ARHGAP31: variants seen among roughly 807,000 people sequenced by gnomAD.
ARHGAP31 encodes the protein Rho GTPase activating protein 31.
In ARHGAP31, 34 loss-of-function variants were observed where a neutral mutation model predicts 113.9. The observed-to-expected ratio is 0.30, with a 90% CI of 0.23 to 0.40. ARHGAP31 has a LOEUF of 0.40. Among genes scored for constraint, ARHGAP31 ranks in the 10% least tolerant of loss-of-function variants. The pLI, the probability that ARHGAP31 is intolerant of heterozygous loss-of-function variation, is 1.00. For missense variants in ARHGAP31, 1,548 were observed against 1,767.1 expected, an observed-to-expected ratio of 0.88 and a Z score of 2.22; for synonymous variants, 650 against 684.8, an observed-to-expected ratio of 0.95 and a Z score of 0.79.
chr3:119,320,517 T>C (rs1343427388), intron 1 of ARHGAP31, among the ~76,000 whole-genome samples: 5 of 152,204 alleles, frequency 3.3e-5, no homozygotes, highest in Non-Finnish European at 5.9e-5. Flanking sequence ...ATTATCCTGA[T>C]AAATACAGTA....
chr3:119,337,332 T>A (rs866406317), intron 1 of ARHGAP31, among the ~76,000 whole-genome samples: 4 of 152,040 alleles, frequency 2.6e-5, no homozygotes, highest in African/African-American at 9.7e-5. Flanking sequence ...AGTTGGCGCG[T>A]CCAGAGTTGT....
intron 1 of ARHGAP31, among the ~76,000 whole-genome samples, chr3:119,340,700 G>C (rs1372051169): frequency 6.6e-6 from 1 of 152,182 alleles, no homozygotes; most frequent in African/African-American, 2.4e-5. Context: ...AGTGCGCAGT[G>C]TGGCCGTGGG....
Position 119,368,400 on chromosome 3 carries a change from G to T in ARHGAP31, c.232G>T (p.Asp78Tyr), listed in dbSNP as rs1247569081. ...RQEFGSDQCP[D>Y]LTREVYLQDI... ...AGAGTTTGGCTCAGATCAATGTCCA[G>T]ATCTGACAAGGGAAGTGTACCTCCA... The change falls in exon 3 of 12, where the codon GAT (aspartate) becomes TAT (tyrosine). Residue 78 changes from aspartate to tyrosine, a missense_variant. Physicochemically the swap from Asp to Tyr is radical, Grantham distance 160. Coordinates refer to ENST00000264245, the MANE Select transcript of ARHGAP31 (RefSeq NM_020754.4). The T allele has an allele frequency of 1.2e-6, 2 of 1,614,078 alleles. No homozygotes were observed. Among genetic ancestry groups the T allele is most frequent in the Non-Finnish European group, 1.7e-6 (2 of 1,180,040 alleles).
chr3:119,337,415 C>T lies in ARHGAP31; in HGVS notation c.101-27901C>T, dbSNP rs537005947. On this transcript the variant is annotated intron_variant, in intron 1 of 11. Coordinates refer to ENST00000264245, the MANE Select transcript of ARHGAP31 (RefSeq NM_020754.4). ...CTGCAGACCTTTGTGGTGAGTGTTA[C>T]AGCTCATAAAGGCAGCACAGACCCA... 4.6e-5 allele frequency among the ~76,000 whole-genome samples: 7 copies of T among 152,040 alleles called. No homozygotes were observed. The East Asian group carries it at 5.8e-4, about 13-fold the overall frequency.
chr3:119,326,348 T>G (rs2079843895), intron 1 of ARHGAP31, among the ~76,000 whole-genome samples: 1 of 152,158 alleles, frequency 6.6e-6, no homozygotes, highest in South Asian at 2.1e-4. Context: ...TACAGTCAGC[T>G]GAGAATGTGT....
intron 1 of ARHGAP31, among the ~76,000 whole-genome samples, chr3:119,328,711 G>T (rs1425572659): frequency 6.6e-6 from 1 of 151,970 alleles, no homozygotes. Context: ...CGCGATCTTG[G>T]CTCACTGCAA....
At chr3:119,337,345 T>C (rs2107610692) in intron 1 of ARHGAP31, among the ~76,000 whole-genome samples, 1 of 152,092 alleles carries the variant, frequency 6.6e-6, no homozygotes, top group East Asian at 1.9e-4. Context: ...AGAGTTGTTC[T>C]TTCCTCCCGG....
Position 119,417,438 on chromosome 3 carries a change from T to G in ARHGAP31, c.*1174T>G, listed in dbSNP as rs765541841. ...GTGGGTCCCTTCCTTTCTCCTTTCC[T>G]CTCTACTGCTCAAGAACAGATTTGA... On this transcript the variant is annotated 3_prime_UTR_variant, in exon 12 of 12. Transcript: ENST00000264245. 6.6e-6 allele frequency: 1 copy of G among 151,996 alleles called. No individual in the cohort carries two copies. Among genetic ancestry groups the G allele is most frequent in the Non-Finnish European group, 1.5e-5 (1 of 68,022 alleles). 9.4% of individuals were successfully genotyped at this position (151,996 alleles called of 1,614,324 possible).
intron 4 of ARHGAP31, among the ~76,000 whole-genome samples, chr3:119,381,934 T>G (rs369843134): frequency 7.2e-6 from 1 of 138,928 alleles, no homozygotes; most frequent in Non-Finnish European, 1.5e-5. Flanking sequence ...TGCAGTGAGC[T>G]GAGATCGCGC....
At position 119,397,045 on chromosome 3, in the gene ARHGAP31, G is replaced by T. The variant is rs533480942; in HGVS notation, c.1007-2154G>T. Among the ~76,000 whole-genome samples, 10 of 152,366 alleles carry T rather than the reference G, an allele frequency of 6.6e-5. No homozygotes were observed. In the East Asian group the frequency reaches 1.9e-3, roughly 29 times the overall value. On this transcript the variant is annotated intron_variant, in intron 8 of 11. Transcript: ENST00000264245. ...TCACCTCTGAGTAACGCAGCTAAGA[G>T]AGGAGGACTCAAGGACACAAAGGCT...
chr3:119,387,124 G>A (rs1418210675), intron 6 of ARHGAP31, among the ~76,000 whole-genome samples: 3 of 152,164 alleles, frequency 2.0e-5, no homozygotes, highest in Non-Finnish European at 2.9e-5. Context: ...CCCCTTTCCC[G>A]GTCTGCTAAG....
Position 119,415,678 on chromosome 3 carries a change from A to C in ARHGAP31, c.3749A>C (p.Asp1250Ala), listed in dbSNP as rs770337602. The change falls in exon 12 of 12, where the codon GAT becomes GCT. Residue 1250 changes from aspartate to alanine, a missense_variant. Coordinates refer to ENST00000264245, the MANE Select transcript of ARHGAP31 (RefSeq NM_020754.4). ...ACCACTCAGAAACCTGCCAAAGATG[A>C]TTCTCCCTCCTCCCTGGAAAGCTCA... is the stretch of plus-strand genomic sequence containing the variant. ...SGTTQKPAKD[D>A]SPSSLESSKE... The C allele has an allele frequency of 1.4e-5, 22 of 1,614,036 alleles. No individual in the cohort carries two copies. In the East Asian group the frequency reaches 4.9e-4, roughly 36 times the overall value.
At position 119,414,146 on chromosome 3, in the gene ARHGAP31, G is replaced by C. The variant is rs1239982693; in HGVS notation, c.2217G>C (p.Pro739=). Reference sequence around the variant, plus strand: ...CCACAGCAGCCAGCAGAGAGAAGCCGGAACCTGAGCAGGGCCTGCACCCAG... The same window carrying C: ...CCACAGCAGCCAGCAGAGAGAAGCCCGAACCTGAGCAGGGCCTGCACCCAG... ...GASTAASREK[P]EPEQGLHPDL... The change falls in exon 12 of 12, where the codon CCG becomes CCC. Residue 739 remains proline, a synonymous_variant. Coordinates refer to ENST00000264245, the MANE Select transcript of ARHGAP31 (RefSeq NM_020754.4). 2 of 1,614,128 alleles carry C rather than the reference G, an allele frequency of 1.2e-6. No individual in the cohort carries two copies. Among genetic ancestry groups the C allele is most frequent in the Non-Finnish European group, 1.7e-6 (2 of 1,180,010 alleles).
In ARHGAP31 at chr3:119,389,982, G is replaced by A. The variant is rs114816344; in HGVS notation, c.683-803G>A. On this transcript the variant is annotated intron_variant, in intron 6 of 11. Transcript: ENST00000264245. ...GGCCTTTGCCTACTAGACACCAGTAGCACTGCCACACACATTGATGACCAT... is the reference window on the plus strand; with the variant it reads ...GGCCTTTGCCTACTAGACACCAGTAACACTGCCACACACATTGATGACCAT... Among the ~76,000 whole-genome samples the A allele has an allele frequency of 8.9e-3, 1,357 of 152,306 alleles. 16 individuals are homozygous for A. The highest frequency in any genetic ancestry group is 0.045 in the South Asian group (215 of 4,824).
At position 119,414,576 on chromosome 3, in the gene ARHGAP31, C is replaced by G; in HGVS notation, c.2647C>G (p.Gln883Glu). The change falls in exon 12 of 12, where the codon CAG becomes GAG. Residue 883 changes from glutamine to glutamate, a missense_variant. Coordinates refer to ENST00000264245, the MANE Select transcript of ARHGAP31 (RefSeq NM_020754.4). The part of the protein sequence containing the change: ...QEEEDVTHSV[Q>E]EPSDCDEDDT... ...AGAGGAGGATGTAACCCATTCAGTA[C>G]AGGAGCCTTCAGACTGTGACGAAGA... 6.2e-7 allele frequency: 1 copy of G among 1,614,210 alleles called. No individual in the cohort carries two copies. The highest frequency in any genetic ancestry group is 8.5e-7 in the Non-Finnish European group (1 of 1,180,042).
chr3:119,395,851 A>T (rs2080546339), intron 8 of ARHGAP31, among the ~76,000 whole-genome samples: 1 of 152,198 alleles, frequency 6.6e-6, no homozygotes, highest in African/African-American at 2.4e-5. Flanking sequence ...AGCTTACACA[A>T]AATGGAAAGA....
intron 1 of ARHGAP31, among the ~76,000 whole-genome samples, chr3:119,340,608 C>G (rs530136886): frequency 6.6e-6 from 1 of 152,314 alleles, no homozygotes; most frequent in South Asian, 2.1e-4. Context: ...GTTTCCTCCT[C>G]TTAAAAGGAG....
chr3:119,317,260 G>A (rs1445445441), intron 1 of ARHGAP31, among the ~76,000 whole-genome samples: 3 of 151,672 alleles, frequency 2.0e-5, no homozygotes, highest in Admixed American at 1.3e-4. Context: ...CTCACTGCAA[G>A]CTCCGCCTCC....
chr3:119,392,646 G>A (rs760427584), intron 7 of ARHGAP31, among the ~76,000 whole-genome samples: 2 of 152,180 alleles, frequency 1.3e-5, no homozygotes, highest in East Asian at 1.9e-4. Context: ...CTGTCTCGAC[G>A]CAGCCTAGTG....
Sources: gnomAD v4.1 joint callset for allele counts (sites outside exome capture counted in the v4.1 genomes callset) on GRCh38, gnomAD v4.1.1 for gene constraint, MANE v1.5 for transcripts, NCBI Gene and HGNC (gene_info 2026-07-23, HGNC 2026-07-21) for gene names.